The following HHAT variants were observed in gnomAD, a reference collection of about 807,000 sequenced individuals.
The protein encoded by HHAT is hedgehog acyltransferase.
In HHAT, 47 loss-of-function variants were observed where a neutral mutation model predicts 70.8. The observed-to-expected ratio is 0.66, with a 90% CI of 0.53 to 0.85. The LOEUF (loss-of-function observed/expected upper bound fraction) is 0.85. HHAT is among the 40% of genes least tolerant of loss of function. The pLI, the probability that HHAT is intolerant of heterozygous loss-of-function variation, is 0.00. For synonymous variants in HHAT, 228 were observed against 247.6 expected (o/e 0.92, Z 0.74); for missense variants, 609 against 604.8 (o/e 1.01, Z -0.07).
chr1:210,330,193 C>T lies in HHAT; in HGVS notation c.-44+1089C>T, dbSNP rs1375089148. On this transcript the variant is annotated intron_variant, in intron 1 of 11. Coordinates refer to ENST00000261458, the MANE Select transcript of HHAT (RefSeq NM_018194.6). ...ATGATTTTTTTCCCCTTCCATTCCT[C>T]ATGTTCCATTTTCCCTGTGATTTTT... 2.0e-5 allele frequency among the ~76,000 whole-genome samples: 3 copies of T among 152,192 alleles called. No homozygotes were observed. The East Asian group carries it at 5.8e-4, about 29-fold the overall frequency.
chr1:210,465,919 TGAATTGCAAG>T (rs1466742100), intron 8 of HHAT, among the ~76,000 whole-genome samples: 6 of 145,148 alleles, frequency 4.1e-5, no homozygotes, highest in African/African-American at 7.6e-5. Context: ...TTGCAAGGAA[TGAATTGCAAG>T]GAATTGCAAG....
At chr1:210,651,846 C>T (rs1197919173) in intron 11 of HHAT, among the ~76,000 whole-genome samples, 2 of 152,192 alleles carry the variant, frequency 1.3e-5, no homozygotes, top group Non-Finnish European at 2.9e-5. Context: ...GCCCTGGTGG[C>T]CTCTAGGCCA....
At chr1:210,406,120 C>T (rs1039729702) in intron 6 of HHAT, among the ~76,000 whole-genome samples, 2 of 152,096 alleles carry the variant, frequency 1.3e-5, no homozygotes, top group African/African-American at 4.8e-5. Flanking sequence ...AAGGTGGGCA[C>T]AGCATAGGGT....
chr1:210,537,552 TCTGCAGGTCAG>T (rs1485462367), intron 9 of HHAT, among the ~76,000 whole-genome samples: 1 of 152,178 alleles, frequency 6.6e-6, no homozygotes, highest in Non-Finnish European at 1.5e-5. Context: ...TCTTCCGTCT[TCTGCAGGTCAG>T]CTGCAGTAGG....
intron 11 of HHAT, among the ~76,000 whole-genome samples, chr1:210,668,936 G>A (rs907265436): frequency 6.6e-5 from 10 of 151,978 alleles, no homozygotes; most frequent in African/African-American, 1.5e-4. Flanking sequence ...ACCACACCCC[G>A]CTAATTTTTT....
At chr1:210,336,128 T>C (rs1462797250) in intron 1 of HHAT, among the ~76,000 whole-genome samples, 1 of 130,290 alleles carries the variant, frequency 7.7e-6, no homozygotes, top group Non-Finnish European at 1.6e-5. Flanking sequence ...AGGCATTCTT[T>C]TGTTTTTTGG....
intron 7 of HHAT, among the ~76,000 whole-genome samples, chr1:210,459,214 A>T (rs745416823): frequency 6.6e-6 from 1 of 152,140 alleles, no homozygotes; most frequent in South Asian, 2.1e-4. Flanking sequence ...CAAGGTCCCA[A>T]ACCTACAGAA....
chr1:210,541,405 A>T (rs531599087), intron 9 of HHAT, among the ~76,000 whole-genome samples: 1 of 152,256 alleles, frequency 6.6e-6, no homozygotes, highest in Admixed American at 6.5e-5. Context: ...ACAAAGTCTC[A>T]CAGGCAGACA....
At chr1:210,404,770 T>G (rs2092258186) in intron 6 of HHAT, 91 bp downstream of exon 6, 1 of 979,988 alleles carries the variant, frequency 1.0e-6, no homozygotes, top group Admixed American at 2.3e-5. Context: ...GTCGTTTTGT[T>G]CAGAGGTGCC....
At chr1:210,501,335 T>C (rs561970733) in intron 8 of HHAT, among the ~76,000 whole-genome samples, 46 of 152,222 alleles carry the variant, frequency 3.0e-4, no homozygotes, top group Non-Finnish European at 5.9e-4. Flanking sequence ...CTGTCCTATC[T>C]CCTCCCCGTT....
At chr1:210,369,184 A>C (rs1342875786) in intron 3 of HHAT, among the ~76,000 whole-genome samples, 1 of 152,232 alleles carries the variant, frequency 6.6e-6, no homozygotes, top group Non-Finnish European at 1.5e-5. Flanking sequence ...TGCTGTTGAA[A>C]GGAGCTCTCA....
chr1:210,639,209 T>A (rs1461638330), intron 11 of HHAT, among the ~76,000 whole-genome samples: 1 of 152,176 alleles, frequency 6.6e-6, no homozygotes, highest in Non-Finnish European at 1.5e-5. Context: ...TTACCTTTCC[T>A]TCTGTCCTCC....
chr1:210,451,210 G>A (rs182369874), intron 7 of HHAT, among the ~76,000 whole-genome samples: 55 of 152,172 alleles, frequency 3.6e-4, no homozygotes, highest in Middle Eastern at 6.8e-3. Context: ...GGTCTGGGTC[G>A]CCGCTGATCT....
intron 10 of HHAT, among the ~76,000 whole-genome samples, chr1:210,596,821 G>A (rs898949654): frequency 6.6e-5 from 10 of 152,088 alleles, no homozygotes; most frequent in Admixed American, 6.5e-4. Flanking sequence ...TACTCCTGGT[G>A]CCTTCTTTAG....
At chr1:210,475,014 C>A (rs959365261) in intron 8 of HHAT, among the ~76,000 whole-genome samples, 21 of 123,638 alleles carry the variant, frequency 1.7e-4, no homozygotes, top group Non-Finnish European at 2.8e-4. Flanking sequence ...CCACAACTAG[C>A]TATTTTTTTT....
chr1:210,566,011 T>A (rs1013353359), intron 9 of HHAT, among the ~76,000 whole-genome samples: 2 of 152,158 alleles, frequency 1.3e-5, no homozygotes, highest in African/African-American at 4.8e-5. Context: ...CGTGCTGTCA[T>A]CAGGAGTTTC....
At chr1:210,599,829 T>TA (rs1663841019) in intron 10 of HHAT, among the ~76,000 whole-genome samples, 7 of 152,306 alleles carry the variant, frequency 4.6e-5, no homozygotes, top group Admixed American at 2.6e-4. Flanking sequence ...TCCCATTGTC[T>TA]TAGAACCAGG....
intron 9 of HHAT, among the ~76,000 whole-genome samples, chr1:210,538,464 A>G (rs978513671): frequency 4.6e-5 from 7 of 152,200 alleles, no homozygotes; most frequent in Non-Finnish European, 1.0e-4. Context: ...TAAGCCTTAA[A>G]TAGAGGATAA....
chr1:210,329,072 G>A lies in HHAT; in HGVS notation c.-76G>A. The A allele has an allele frequency of 1.4e-6, 2 of 1,428,930 alleles. No homozygotes were observed. The highest frequency in any genetic ancestry group is 1.8e-6 in the Non-Finnish European group (2 of 1,091,070). 88.5% of individuals were successfully genotyped at this position (1,428,930 alleles called of 1,614,324 possible). On this transcript the variant is annotated 5_prime_UTR_variant, in exon 1 of 12. Transcript: ENST00000261458. ...TTGGGAACTCGCGGCGCGCGTGAAC[G>A]TTGCCGTCGCCGCCGCCCGGGACAG...
Sources: allele counts gnomAD v4.1 joint callset (sites outside exome capture counted in the v4.1 genomes callset), GRCh38; gene constraint gnomAD v4.1.1; transcripts MANE v1.5; gene names NCBI Gene and HGNC (gene_info 2026-07-23, HGNC 2026-07-21).